The following C1QTNF3 variants were observed in gnomAD, a reference collection of about 807,000 sequenced individuals.
C1QTNF3 encodes complement C1q tumor necrosis factor-related protein 3.
In C1QTNF3, 26 loss-of-function variants were observed where a neutral mutation model predicts 32.6. The observed-to-expected ratio is 0.80, with a 90% confidence interval of 0.58 to 1.11. The LOEUF (loss-of-function observed/expected upper bound fraction) is 1.11. C1QTNF3 is among the 50% of genes least tolerant of loss of function. The pLI is 0.00. For missense variants in C1QTNF3, 362 were observed against 398.2 expected, an observed-to-expected ratio of 0.91 and a Z score of 0.77; for synonymous variants, 155 against 146.0, an observed-to-expected ratio of 1.06 and a Z score of -0.44.
chr5:34,159,846 CG>C, the C1QTNF3 span, among the ~76,000 whole-genome samples: 12 of 147,224 alleles, frequency 8.2e-5, no homozygotes, highest in Non-Finnish European at 1.7e-4. Flanking sequence ...AAAAAAAAAC[CG>C]GAAGTATAAA....
At chr5:34,163,807 A>T in the C1QTNF3 span, among the ~76,000 whole-genome samples, 1 of 152,204 alleles carries the variant, frequency 6.6e-6, no homozygotes, top group African/African-American at 2.4e-5. Context: ...CATCATTTTC[A>T]ACCCTTCTGT....
At chr5:34,142,431 C>CAAA in the C1QTNF3 span, among the ~76,000 whole-genome samples, 2,485 of 133,474 alleles carry the variant, frequency 0.019, 85 homozygotes, top group African/African-American at 0.066. Flanking sequence ...GACTCCATCT[C>CAAA]AAAAAAAAAA....
the C1QTNF3 span, among the ~76,000 whole-genome samples, chr5:34,243,537 C>G: frequency 6.6e-6 from 1 of 152,170 alleles, no homozygotes; most frequent in African/African-American, 2.4e-5. Context: ...GCATGTTATT[C>G]ACAATAGCAC....
chr5:34,054,275 C>T, the C1QTNF3 span, among the ~76,000 whole-genome samples: 1 of 152,204 alleles, frequency 6.6e-6, no homozygotes, highest in African/African-American at 2.4e-5. Flanking sequence ...ATCCTCCACA[C>T]TGGGAAACTT....
chr5:34,093,301 TA>T, the C1QTNF3 span, among the ~76,000 whole-genome samples: 1 of 126,228 alleles, frequency 7.9e-6, no homozygotes, highest in African/African-American at 3.1e-5. Context: ...TTGTTTTTTT[TA>T]AAAAATTACT....
intron 3 of C1QTNF3, among the ~76,000 whole-genome samples, chr5:34,032,484 A>C (rs1247366290): frequency 6.6e-6 from 1 of 152,224 alleles, no homozygotes; most frequent in African/African-American, 2.4e-5. Context: ...TTCTGACAAG[A>C]AAAGCTCAAG....
At chr5:34,077,712 A>G in the C1QTNF3 span, among the ~76,000 whole-genome samples, 1 of 151,570 alleles carries the variant, frequency 6.6e-6, no homozygotes. Context: ...ACTCTGAAGT[A>G]AGGAGAAACT....
At chr5:34,178,367 G>C in the C1QTNF3 span, among the ~76,000 whole-genome samples, 7 of 152,294 alleles carry the variant, frequency 4.6e-5, no homozygotes, top group Admixed American at 2.0e-4. Context: ...TACTTGACTA[G>C]TTTGCAGAAG....
At chr5:34,072,371 G>GAAAGAAAGAAAGAAAGAAAGAA in the C1QTNF3 span, among the ~76,000 whole-genome samples, 14 of 117,580 alleles carry the variant, frequency 1.2e-4, 1 homozygote, top group East Asian at 2.4e-4. Context: ...AAAAAAGAAA[G>GAAAGAAAGAAAGAAAGAAAGAA]AGAAAGAAAG....
At chr5:34,107,600 G>A in the C1QTNF3 span, among the ~76,000 whole-genome samples, 2 of 151,694 alleles carry the variant, frequency 1.3e-5, no homozygotes, top group African/African-American at 4.8e-5. Context: ...GCAACAACAG[G>A]TTACAATCAT....
At chr5:34,107,972 C>T in the C1QTNF3 span, among the ~76,000 whole-genome samples, 3 of 151,982 alleles carry the variant, frequency 2.0e-5, no homozygotes, top group Non-Finnish European at 4.4e-5. Flanking sequence ...TCATTTGCTT[C>T]TGCTGTTCTT....
At position 34,043,003 on chromosome 5, in the gene C1QTNF3, C is replaced by A. The variant is rs1754912643; in HGVS notation, c.123G>T (p.Val41=). 15 of 1,614,214 alleles carry A rather than the reference C, an allele frequency of 9.3e-6. No homozygotes were observed. Among genetic ancestry groups the A allele is most frequent in the Non-Finnish European group, 1.3e-5 (15 of 1,180,030 alleles). Residue 41 remains valine (V), a synonymous_variant, in exon 1 of 6, where the codon GTG becomes GTT. Coordinates refer to ENST00000382065, the MANE Select transcript of C1QTNF3 (RefSeq NM_181435.6). ...GRTNKVVARI[V]QSHQQTGRSG... is the part of the protein sequence containing the mutation. ...TACGGCCAGTCTGCTGGTGGCTTTG[C>A]ACTATTCTTGCCACCACTTTATTAG...
At chr5:34,082,190 C>A in the C1QTNF3 span, among the ~76,000 whole-genome samples, 1 of 151,492 alleles carries the variant, frequency 6.6e-6, no homozygotes, top group Non-Finnish European at 1.5e-5. Flanking sequence ...CTCTGGCCCA[C>A]TAAATCATGA....
the C1QTNF3 span, chr5:34,168,066 T>C: frequency 2.6e-5 from 4 of 151,866 alleles, no homozygotes; most frequent in Non-Finnish European, 5.9e-5. Context: ...AATGGCATAC[T>C]AAATAGAGAA....
chr5:34,116,739 C>T, the C1QTNF3 span, among the ~76,000 whole-genome samples: 4 of 151,604 alleles, frequency 2.6e-5, no homozygotes, highest in East Asian at 1.9e-4. Flanking sequence ...GGATTACAAG[C>T]GCCTGACACC....
chr5:34,207,685 C>T, the C1QTNF3 span, among the ~76,000 whole-genome samples: 1 of 152,074 alleles, frequency 6.6e-6, no homozygotes, highest in African/African-American at 2.4e-5. Context: ...ACTCTTAAAT[C>T]CCAAACTCTA....
the C1QTNF3 span, among the ~76,000 whole-genome samples, chr5:34,089,630 G>A: frequency 6.6e-6 from 1 of 152,210 alleles, no homozygotes; most frequent in Non-Finnish European, 1.5e-5. Context: ...AAGTTACCCA[G>A]TGTATGGTAT....
chr5:34,067,864 CATA>C, the C1QTNF3 span, among the ~76,000 whole-genome samples: 15 of 152,076 alleles, frequency 9.9e-5, no homozygotes, highest in East Asian at 3.8e-4. Context: ...TTTAAATGTT[CATA>C]ATAATAATAT....
the C1QTNF3 span, among the ~76,000 whole-genome samples, chr5:34,216,868 T>G: frequency 1.3e-5 from 2 of 152,168 alleles, no homozygotes; most frequent in African/African-American, 4.8e-5. Context: ...GCATTGCCAC[T>G]AGAATTGTGT....
Sources: allele counts gnomAD v4.1 joint callset (sites outside exome capture counted in the v4.1 genomes callset), GRCh38; gene constraint gnomAD v4.1.1; transcripts MANE v1.5; gene names NCBI Gene and HGNC (gene_info 2026-07-23, HGNC 2026-07-21).